The following IGF1 variants were observed in gnomAD, a reference collection of about 807,000 sequenced individuals.
The protein encoded by IGF1 is insulin like growth factor 1, also known as insulin-like growth factor 1.
IGF1 carries 4 observed loss-of-function variants against 13.8 expected under a neutral mutation model. The ratio of observed to expected loss-of-function variants is 0.29; its 90% confidence interval spans 0.14 to 0.66. The LOEUF (loss-of-function observed/expected upper bound fraction) is 0.66. IGF1 is among the 30% of genes least tolerant of loss of function. The probability of loss-of-function intolerance (pLI) is 0.78; values close to 1 mark genes in which losing one functional copy is unlikely to be tolerated. For missense variants in IGF1, 124 were observed against 188.5 expected, an observed-to-expected ratio of 0.66 and a Z score of 2.00; for synonymous variants, 76 against 72.6, an observed-to-expected ratio of 1.05 and a Z score of -0.23.
intron 3 of IGF1, among the ~76,000 whole-genome samples, chr12:102,406,029 G>C (rs1874125348): frequency 1.3e-5 from 2 of 152,318 alleles, no homozygotes; most frequent in South Asian, 2.1e-4. Flanking sequence ...TCACAGCAAA[G>C]CCATGGGCTG....
chr12:102,462,459 G>A (rs1879978941), intron 2 of IGF1, among the ~76,000 whole-genome samples: 1 of 152,100 alleles, frequency 6.6e-6, no homozygotes, highest in Non-Finnish European at 1.5e-5. Context: ...TTTGTCTTTA[G>A]CTTACACATC....
intron 1 of IGF1, among the ~76,000 whole-genome samples, chr12:102,477,800 T>C (rs1265236032): frequency 1.3e-5 from 2 of 152,148 alleles, no homozygotes; most frequent in South Asian, 2.1e-4. Flanking sequence ...CAACTGTAGA[T>C]GCCTTCAAGT....
chr12:102,411,274 C>T (rs907919470), intron 3 of IGF1, among the ~76,000 whole-genome samples: 3 of 152,226 alleles, frequency 2.0e-5, no homozygotes, highest in African/African-American at 7.2e-5. Context: ...ATAAACATTG[C>T]ACATCCCCAA....
At position 102,449,992 on chromosome 12, in the gene IGF1, G is replaced by A. The variant is rs76302557; in HGVS notation, c.220+25651C>T. 1.6e-3 allele frequency among the ~76,000 whole-genome samples: 246 copies of A among 152,180 alleles called. 2 individuals carry two copies. The East Asian group carries it at 0.025, about 15-fold the overall frequency. ...GAGAGAGGGCGAGTTCTCAAGAAGT[G>A]CTCAGACATGTTAAACGTGAGGTTA... On this transcript the variant is annotated intron_variant, in intron 2 of 3. Coordinates refer to ENST00000337514, the MANE Select transcript of IGF1 (RefSeq NM_000618.5).
At chr12:102,457,564 C>T (rs1211671368) in intron 2 of IGF1, among the ~76,000 whole-genome samples, 5 of 152,140 alleles carry the variant, frequency 3.3e-5, no homozygotes, top group Non-Finnish European at 5.9e-5. Flanking sequence ...AGCCAAGGAC[C>T]CAGGCAGACA....
chr12:102,419,734 G>A (rs1875527286), intron 2 of IGF1, 44 bp from the exon 3 acceptor site: 1 of 1,592,302 alleles, frequency 6.3e-7, no homozygotes, highest in Non-Finnish European at 8.6e-7. Flanking sequence ...GGTGCAATCT[G>A]CTTTCTTCAG....
intron 1 of IGF1, among the ~76,000 whole-genome samples, chr12:102,477,166 C>T (rs1479922086): frequency 1.3e-5 from 2 of 151,910 alleles, no homozygotes; most frequent in Non-Finnish European, 2.9e-5. Context: ...CCTCCTTGCC[C>T]TCCATGGACT....
intron 1 of IGF1, 52 bp from the exon 2 acceptor site, chr12:102,475,851 G>A: frequency 6.4e-7 from 1 of 1,551,318 alleles, no homozygotes; most frequent in Middle Eastern, 1.7e-4. Flanking sequence ...CCTTGCAAGG[G>A]GAGTGGGGTG....
intron 2 of IGF1, among the ~76,000 whole-genome samples, chr12:102,422,022 C>CA (rs5742669): frequency 0.068 from 10,258 of 151,508 alleles, 693 homozygotes; most frequent in East Asian, 0.27. Flanking sequence ...ATCATCACAG[C>CA]AAAAAAAATA....
intron 2 of IGF1, among the ~76,000 whole-genome samples, chr12:102,441,953 T>TTCTTCTTCTC (rs1555244154): frequency 7.1e-6 from 1 of 140,326 alleles, no homozygotes; most frequent in Admixed American, 8.1e-5. Context: ...CTTCTTCTTC[T>TTCTTCTTCTC]TCTTTTTTTT....
At chr12:102,432,216 T>A (rs998061802) in intron 2 of IGF1, among the ~76,000 whole-genome samples, 1 of 152,216 alleles carries the variant, frequency 6.6e-6, no homozygotes, top group Non-Finnish European at 1.5e-5. Flanking sequence ...TGCTATATAG[T>A]TTTCATAATT....
intron 2 of IGF1, among the ~76,000 whole-genome samples, chr12:102,444,854 A>G (rs1050088452): frequency 7.9e-5 from 12 of 152,238 alleles, no homozygotes; most frequent in African/African-American, 2.9e-4. Flanking sequence ...AATATACTTG[A>G]TTGCCTCAGG....
chr12:102,396,865 G>T lies in IGF1; in HGVS notation c.*5642C>A, dbSNP rs1248735255. The T allele has an allele frequency of 5.0e-6, 2 of 397,984 alleles. No individual in the cohort carries two copies. Among genetic ancestry groups the T allele is most frequent in the Non-Finnish European group, 8.9e-6 (2 of 225,908 alleles). 24.7% of individuals were successfully genotyped at this position (397,984 alleles called of 1,614,324 possible). A position where few individuals can be genotyped will look rare whatever the true frequency, so the allele number is the denominator to read the frequency against. ...CCCATCAAAGATAGTTGAAGAATGA[G>T]GAGAGAAGGATCATGTTTAAGATCC... On this transcript the variant is annotated 3_prime_UTR_variant, in exon 4 of 4. Transcript: ENST00000337514.
intron 1 of IGF1, chr12:102,478,671 C>T: frequency 1.5e-6 from 2 of 1,370,782 alleles, no homozygotes; most frequent in South Asian, 2.1e-5. Context: ...CCTGGGTAAA[C>T]TGCCTTTTGT....
chr12:102,434,741 G>T (rs543159885), intron 2 of IGF1, among the ~76,000 whole-genome samples: 1 of 151,814 alleles, frequency 6.6e-6, no homozygotes, highest in African/African-American at 2.4e-5. Context: ...CACAATGGTT[G>T]AACTAGTTTA....
Position 102,400,440 on chromosome 12 carries a change from A to G in IGF1, c.*2067T>C, listed in dbSNP as rs1873590188. On this transcript the variant is annotated 3_prime_UTR_variant, in exon 4 of 4. Transcript: ENST00000337514. ...CAATTTTCAGTTGAATGGATAAAAC[A>G]CATTCACAGAGAGCTAGGGGCTACC... The G allele has an allele frequency of 6.6e-6, 1 of 152,172 alleles. No homozygotes were observed. The highest frequency in any genetic ancestry group is 1.5e-5 in the Non-Finnish European group (1 of 68,012). 9.4% of individuals were successfully genotyped at this position (152,172 alleles called of 1,614,324 possible).
intron 2 of IGF1, among the ~76,000 whole-genome samples, chr12:102,471,764 A>G (rs1009795083): frequency 6.6e-6 from 1 of 152,192 alleles, no homozygotes; most frequent in Non-Finnish European, 1.5e-5. Flanking sequence ...GACTCTTAAA[A>G]CTTAAAAAGA....
Position 102,398,630 on chromosome 12 carries a change from C to T in IGF1, c.*3877G>A, listed in dbSNP as rs1395783368. 2.0e-5 allele frequency: 3 copies of T among 152,028 alleles called. No homozygotes were observed. The highest frequency in any genetic ancestry group is 6.6e-5 in the Admixed American group (1 of 15,252). 9.4% of individuals were successfully genotyped at this position (152,028 alleles called of 1,614,324 possible). ...AAATTTCCAACTCCTGCCCCTGCAC[C>T]CCCAAATTCACAATTTGGTGAACAG... On this transcript the variant is annotated 3_prime_UTR_variant, in exon 4 of 4. Coordinates refer to ENST00000337514, the MANE Select transcript of IGF1 (RefSeq NM_000618.5).
At chr12:102,480,627 T>TG (rs758991290), upstream of IGF1, 21 of 1,351,358 alleles carry the variant, frequency 1.6e-5, no homozygotes, top group Non-Finnish European at 1.9e-5. Flanking sequence ...AGGAAACAGC[T>TG]GGGGGAACAT....
Sources: gnomAD v4.1 joint callset for allele counts (sites outside exome capture counted in the v4.1 genomes callset) on GRCh38, gnomAD v4.1.1 for gene constraint, MANE v1.5 for transcripts, NCBI Gene and HGNC (gene_info 2026-07-23, HGNC 2026-07-21) for gene names.